Variants in PCDH11X observed in about 807,000 individuals in gnomAD.
The protein encoded by PCDH11X is protocadherin 11 X-linked, also known as protocadherin-11 X-linked.
A neutral mutation model predicts 53.3 loss-of-function variants in PCDH11X; 18 were observed. The ratio of observed to expected loss-of-function variants is 0.34; its 90% CI spans 0.23 to 0.50. PCDH11X has a LOEUF of 0.50. Ranked by LOEUF, PCDH11X falls within the 20% of genes least tolerant of loss-of-function variation. PCDH11X has a pLI of 0.98. For missense variants in PCDH11X, 570 were observed against 1,032.4 expected, an observed-to-expected ratio of 0.55 and a Z score of 6.14; for synonymous variants, 279 against 393.3, an observed-to-expected ratio of 0.71 and a Z score of 3.44.
Position 92,230,427 on chromosome X carries a change from A to ATAT in PCDH11X, c.3114+28972_3114+28973insTAT, listed in dbSNP as rs751331501. Among the ~76,000 whole-genome samples the ATAT allele has an allele frequency of 6.4e-3, 374 of 58,584 alleles. 8 individuals carry two copies. Among genetic ancestry groups the ATAT allele is most frequent in the African/African-American group, 0.02 (358 of 17,489 alleles). 50.9% of individuals were successfully genotyped at this position (58,584 alleles called of 115,157 possible). A position where few individuals can be genotyped will look rare whatever the true frequency, so the allele number is the denominator to read the frequency against. ...GTCTATGAATATATATATAATATAT[A>ATAT]AATATATATTATATATTTATATATA... is the stretch of plus-strand genomic sequence containing the variant. On this transcript the variant is annotated intron_variant, in intron 7 of 10. Transcript: ENST00000682573.
At chrX:92,437,190 A>C (rs1325599057) in intron 9 of PCDH11X, among the ~76,000 whole-genome samples, 1 of 111,063 alleles carries the variant, frequency 9.0e-6, no homozygotes, top group Non-Finnish European at 1.9e-5. Context: ...GTAGATGTGC[A>C]TATGTGTGTA....
chrX:91,850,924 T>C (rs1276633138), intron 5 of PCDH11X, among the ~76,000 whole-genome samples: 1 of 111,698 alleles, frequency 9.0e-6, no homozygotes, highest in Admixed American at 9.6e-5. Context: ...GTATAACCCT[T>C]AACTGTCAAG....
chrX:92,143,287 G>A (rs1399904768), intron 6 of PCDH11X, among the ~76,000 whole-genome samples: 1 of 112,067 alleles, frequency 8.9e-6, no homozygotes, highest in Non-Finnish European at 1.9e-5. Context: ...CCTAATGTCA[G>A]TCCTGAAGAC....
intron 5 of PCDH11X, among the ~76,000 whole-genome samples, chrX:91,858,949 T>C (rs1463518755): frequency 2.7e-5 from 3 of 110,168 alleles, no homozygotes; most frequent in Non-Finnish European, 3.8e-5. Flanking sequence ...AATTTTGGGG[T>C]ATCTTTACAG....
chrX:92,266,416 AAAG>A (rs954470448), intron 8 of PCDH11X, among the ~76,000 whole-genome samples: 20 of 112,187 alleles, frequency 1.8e-4, no homozygotes, highest in South Asian at 1.5e-3. Context: ...CTAAAACATC[AAAG>A]AAGAAGATAA....
At chrX:92,462,080 T>G (rs1364089092) in intron 9 of PCDH11X, among the ~76,000 whole-genome samples, 1 of 111,667 alleles carries the variant, frequency 9.0e-6, no homozygotes, top group Non-Finnish European at 1.9e-5. Context: ...TTGGTGAAAA[T>G]GTGAAGAAAA....
At chrX:92,039,343 C>T (rs1263882930) in intron 6 of PCDH11X, among the ~76,000 whole-genome samples, 1 of 112,555 alleles carries the variant, frequency 8.9e-6, no homozygotes, top group Admixed American at 9.4e-5. Flanking sequence ...GAGATGCTAT[C>T]TGGGAGCCAA....
intron 6 of PCDH11X, among the ~76,000 whole-genome samples, chrX:92,149,430 ACTCTCT>A (rs199657624): frequency 0.033 from 2,633 of 80,176 alleles, 26 homozygotes; most frequent in Non-Finnish European, 0.053. Flanking sequence ...TCTTTCTCTC[ACTCTCT>A]CTCTCTCTCT....
intron 5 of PCDH11X, among the ~76,000 whole-genome samples, chrX:91,838,035 C>G: frequency 9.0e-6 from 1 of 111,657 alleles, no homozygotes; most frequent in East Asian, 2.8e-4. Flanking sequence ...AAGTTTAAAT[C>G]AGATATTAGC....
intron 6 of PCDH11X, among the ~76,000 whole-genome samples, chrX:91,981,997 C>T (rs970776859): frequency 2.4e-4 from 26 of 108,640 alleles, no homozygotes; most frequent in East Asian, 1.5e-3. Flanking sequence ...ATCACACAGA[C>T]GCTTCCAAGC....
At position 92,148,022 on chromosome X, in the gene PCDH11X, TCC is replaced by T. The variant is rs2065328749; in HGVS notation, c.3034-53352_3034-53351del. ...CTTTCTTTCTTTTTCTTTCCTTCCT[TCC>T]TTCCTTTCCTTCTTTCCCTTCCTTC... On this transcript the variant is annotated intron_variant, in intron 6 of 10. Coordinates refer to ENST00000682573, the MANE Select transcript of PCDH11X (RefSeq NM_032968.5). Among the ~76,000 whole-genome samples, 100 of 88,550 alleles carry T rather than the reference TCC, an allele frequency of 1.1e-3. 7 individuals carry two copies. Among genetic ancestry groups the T allele is most frequent in the African/African-American group, 4.1e-3 (94 of 22,798 alleles). The allele number at this position is 88,550 out of a possible 115,157, so 76.9% of individuals were successfully genotyped here.
Position 92,248,212 on chromosome X carries a change from G to C in PCDH11X, c.3115-14902G>C, listed in dbSNP as rs6618932. Among the ~76,000 whole-genome samples, 1,064 of 110,891 alleles carry C rather than the reference G, an allele frequency of 9.6e-3. 56 individuals are homozygous for C. In the East Asian group the frequency reaches 0.22, roughly 23 times the overall value. On this transcript the variant is annotated intron_variant, in intron 7 of 10. Coordinates refer to ENST00000682573, the MANE Select transcript of PCDH11X (RefSeq NM_032968.5). Reference sequence around the variant, plus strand: ...AGGAAATAAACAAGAGATGGAACCAGGTATCAGGCAATTATAATAACTTCT... The same window carrying C: ...AGGAAATAAACAAGAGATGGAACCACGTATCAGGCAATTATAATAACTTCT...
At chrX:92,085,614 CA>C (rs57885903) in intron 6 of PCDH11X, among the ~76,000 whole-genome samples, 2,281 of 93,716 alleles carry the variant, frequency 0.024, 59 homozygotes, top group African/African-American at 0.08. Flanking sequence ...ATTATAGAAG[CA>C]AAAAAAAAAA....
At chrX:92,292,757 A>AT (rs1351227231) in intron 8 of PCDH11X, among the ~76,000 whole-genome samples, 1 of 112,298 alleles carries the variant, frequency 8.9e-6, no homozygotes, top group Non-Finnish European at 1.9e-5. Flanking sequence ...AAATGTTTTT[A>AT]TTTTTTATTG....
chrX:91,922,825 T>C (rs1396845301), intron 6 of PCDH11X, among the ~76,000 whole-genome samples: 1 of 110,928 alleles, frequency 9.0e-6, no homozygotes, highest in African/African-American at 3.3e-5. Context: ...GTCTCTATTA[T>C]AAATGTCTTT....
intron 9 of PCDH11X, among the ~76,000 whole-genome samples, chrX:92,412,692 A>G (rs1466045809): frequency 1.9e-4 from 20 of 105,622 alleles, no homozygotes; most frequent in African/African-American, 6.2e-4. Flanking sequence ...TCATTTAAAG[A>G]TTTGTTTGTT....
rs750843204 is a variant in PCDH11X at position 92,175,785 on chromosome X, T to TAC, written c.3034-25572_3034-25571dup. Among the ~76,000 whole-genome samples, 196 of 83,785 alleles carry TAC rather than the reference T, an allele frequency of 2.3e-3. 1 individual carries two copies. Among genetic ancestry groups the TAC allele is most frequent in the South Asian group, 0.01 (13 of 1,292 alleles). The allele number at this position is 83,785 out of a possible 115,157, so 72.8% of individuals were successfully genotyped here. ...GTGTGTGTGTGTGTGTGTATATATATACACACACACACACACACAGAGAGA... is the reference window on the plus strand; with the variant it reads ...GTGTGTGTGTGTGTGTGTATATATATACACACACACACACACACACAGAGAGA... On this transcript the variant is annotated intron_variant, in intron 6 of 10. Coordinates refer to ENST00000682573, the MANE Select transcript of PCDH11X (RefSeq NM_032968.5).
intron 10 of PCDH11X, among the ~76,000 whole-genome samples, chrX:92,476,216 A>G (rs2073382697): frequency 9.0e-6 from 1 of 111,302 alleles, no homozygotes; most frequent in South Asian, 3.8e-4. Context: ...GCCTTCCACC[A>G]TGATTTTGAG....
intron 10 of PCDH11X, among the ~76,000 whole-genome samples, chrX:92,524,885 C>T (rs891130808): frequency 9.0e-5 from 10 of 111,240 alleles, no homozygotes; most frequent in Non-Finnish European, 1.9e-4. Flanking sequence ...TAATCAGGAC[C>T]TTATGTTTTT....
Sources: gnomAD v4.1 joint callset for allele counts (sites outside exome capture counted in the v4.1 genomes callset) on GRCh38, gnomAD v4.1.1 for gene constraint, MANE v1.5 for transcripts, NCBI Gene and HGNC (gene_info 2026-07-23, HGNC 2026-07-21) for gene names.